DPP6: variants seen among roughly 807,000 people sequenced by gnomAD.
DPP6 encodes A-type potassium channel modulatory protein DPP6.
In DPP6, 69 loss-of-function variants were observed where a neutral mutation model predicts 122.6. The observed-to-expected ratio is 0.56, with a 90% CI of 0.46 to 0.69. DPP6 has a LOEUF of 0.69. Among genes scored for constraint, DPP6 ranks in the 30% least tolerant of loss-of-function variants. The probability of loss-of-function intolerance (pLI) is 0.00; values close to 1 mark genes in which losing one functional copy is unlikely to be tolerated. For missense variants in DPP6, 928 were observed against 1,116.9 expected (o/e 0.83, Z 2.41); for synonymous variants, 418 against 433.1 (o/e 0.97, Z 0.43).
chr7:154,761,711 T>G (rs1458532739), intron 8 of DPP6, among the ~76,000 whole-genome samples: 2 of 151,820 alleles, frequency 1.3e-5, no homozygotes, highest in African/African-American at 4.8e-5. Flanking sequence ...TTTTCAAGGT[T>G]TTATTTTATT....
intron 4 of DPP6, among the ~76,000 whole-genome samples, chr7:154,553,159 C>T (rs1335462734): frequency 6.6e-6 from 1 of 152,174 alleles, no homozygotes; most frequent in Non-Finnish European, 1.5e-5. Flanking sequence ...TGCTTCAAGT[C>T]CAGGTGAATG....
At chr7:154,710,994 T>C (rs1334514716) in intron 7 of DPP6, among the ~76,000 whole-genome samples, 3 of 152,212 alleles carry the variant, frequency 2.0e-5, no homozygotes, top group Admixed American at 2.0e-4. Flanking sequence ...TGTCAGTAAA[T>C]GGTTCCTGAT....
At chr7:154,626,612 A>G (rs1365481029) in intron 5 of DPP6, among the ~76,000 whole-genome samples, 2 of 152,222 alleles carry the variant, frequency 1.3e-5, no homozygotes, top group Non-Finnish European at 2.9e-5. Flanking sequence ...TGAGATACAT[A>G]TTTGAAGAAG....
In DPP6 at chr7:154,196,353, G is replaced by A. The variant is rs930095741; in HGVS notation, c.243+143290G>A. 1.3e-4 allele frequency among the ~76,000 whole-genome samples: 20 copies of A among 152,262 alleles called. 1 individual carries two copies. The highest frequency in any genetic ancestry group is 3.3e-4 in the Admixed American group (5 of 15,302). ...AAAAATACAAAAATTAGCTGGGCAC[G>A]TTGGTTCACACCTGTAATCCAAGCT... On this transcript the variant is annotated intron_variant, in intron 1 of 25. Transcript: ENST00000377770.
intron 1 of DPP6, among the ~76,000 whole-genome samples, chr7:154,313,712 T>TATATATATATATGCATATGC (rs1554515587): frequency 4.0e-5 from 1 of 24,914 alleles, no homozygotes; most frequent in Non-Finnish European, 9.8e-5. Flanking sequence ...TATATATATA[T>TATATATATATATGCATATGC]ATACACACAC....
rs1210304334 is a variant in DPP6 at position 154,537,834 on chromosome 7, A to T, written c.458-2698A>T. On this transcript the variant is annotated intron_variant, in intron 3 of 25. Transcript: ENST00000377770. The stretch of plus-strand genomic sequence containing the variant: ...AAGTCTTGTACATTTTTACCAAAAG[A>T]TGTAAAGAAGAATATTCATGGTAGA... 3.9e-5 allele frequency among the ~76,000 whole-genome samples: 6 copies of T among 152,236 alleles called. No homozygotes were observed. In the East Asian group the frequency reaches 1.2e-3, roughly 29 times the overall value.
intron 7 of DPP6, among the ~76,000 whole-genome samples, chr7:154,687,888 G>T (rs550398174): frequency 6.6e-6 from 1 of 152,274 alleles, no homozygotes; most frequent in African/African-American, 2.4e-5. Flanking sequence ...TCTTTCCCTA[G>T]GAATAATCAA....
In DPP6 at chr7:154,872,540, A is replaced by T. The variant is rs1804484196; in HGVS notation, c.1814-84A>T. 3 of 1,518,966 alleles carry T rather than the reference A, an allele frequency of 2.0e-6. No homozygotes were observed. The Admixed American group carries it at 6.0e-5, about 30-fold the overall frequency. 94.1% of individuals were successfully genotyped at this position (1,518,966 alleles called of 1,614,324 possible). A position where few individuals can be genotyped will look rare whatever the true frequency, so the allele number is the denominator to read the frequency against. On this transcript the variant is annotated intron_variant, in intron 18 of 25. Coordinates refer to ENST00000377770, the MANE Select transcript of DPP6 (RefSeq NM_130797.4). ...CTCAGGCCCCACCCAGAGCACCCTC[A>T]CCCCCACGGTCACCCAAGGGCATGC...
At chr7:154,115,873 ACT>A (rs2150594611) in intron 1 of DPP6, among the ~76,000 whole-genome samples, 1 of 151,986 alleles carries the variant, frequency 6.6e-6, no homozygotes, top group African/African-American at 2.4e-5. Context: ...GTCTGGTAAA[ACT>A]CTTGCCAATC....
chr7:153,749,351 G>GC, the DPP6 span, among the ~76,000 whole-genome samples: 1 of 152,122 alleles, frequency 6.6e-6, no homozygotes, highest in Non-Finnish European at 1.5e-5. This position sits in a 1 kb window ranked among gnomAD's most constrained non-coding sequence, Gnocchi z 4.1. Context: ...GAAGAGGTCG[G>GC]CGTTGGGAGG....
intron 1 of DPP6, among the ~76,000 whole-genome samples, chr7:153,981,657 G>A (rs2129038064): frequency 6.6e-6 from 1 of 152,234 alleles, no homozygotes; most frequent in South Asian, 2.1e-4. Context: ...TTACATTTTG[G>A]TATGTTTTTG....
the DPP6 span, among the ~76,000 whole-genome samples, chr7:153,787,378 C>G: frequency 6.8e-6 from 1 of 148,058 alleles, no homozygotes; most frequent in African/African-American, 2.5e-5. Flanking sequence ...CCCTAACAGT[C>G]GTTCTCCAGA....
chr7:154,436,611 AATATT>A (rs1172254539), intron 1 of DPP6, among the ~76,000 whole-genome samples: 6 of 152,190 alleles, frequency 3.9e-5, no homozygotes, highest in African/African-American at 1.4e-4. Context: ...GCTATTGTGA[AATATT>A]ATAATGCAAA....
Position 154,148,185 on chromosome 7 carries a change from A to G in DPP6, c.243+95122A>G, listed in dbSNP as rs1256612990. On this transcript the variant is annotated intron_variant, in intron 1 of 25. Coordinates refer to ENST00000377770, the MANE Select transcript of DPP6 (RefSeq NM_130797.4). ...GTCACCTCCTTCAAATCCACTGAGCAAGGCCTGGGGAGTAATGGGAGGTCC... is the reference window on the plus strand; with the variant it reads ...GTCACCTCCTTCAAATCCACTGAGCGAGGCCTGGGGAGTAATGGGAGGTCC... Among the ~76,000 whole-genome samples, 5 of 138,820 alleles carry G rather than the reference A, an allele frequency of 3.6e-5. 1 individual carries two copies. Among genetic ancestry groups the G allele is most frequent in the African/African-American group, 1.4e-4 (5 of 34,868 alleles). The allele number at this position is 138,820 out of a possible 152,430, so 91.1% of individuals were successfully genotyped here.
intron 5 of DPP6, among the ~76,000 whole-genome samples, chr7:154,615,024 C>T (rs1018614417): frequency 6.6e-6 from 1 of 152,126 alleles, no homozygotes; most frequent in Non-Finnish European, 1.5e-5. Context: ...GCTGGAGGCC[C>T]CTATTTGACA....
chr7:154,544,233 C>A (rs935521911), intron 4 of DPP6, among the ~76,000 whole-genome samples: 2 of 150,932 alleles, frequency 1.3e-5, no homozygotes, highest in Non-Finnish European at 2.9e-5. Context: ...CTAAGAACTG[C>A]TTTTTAGAAA....
intron 1 of DPP6, among the ~76,000 whole-genome samples, chr7:153,903,989 C>T (rs1182597006): frequency 6.6e-6 from 1 of 152,134 alleles, no homozygotes; most frequent in Non-Finnish European, 1.5e-5. Flanking sequence ...TCTCTGTTGC[C>T]TAAGCAAAGG....
chr7:153,778,308 A>G, the DPP6 span, among the ~76,000 whole-genome samples: 1 of 152,024 alleles, frequency 6.6e-6, no homozygotes, highest in South Asian at 2.1e-4. Flanking sequence ...ATGTTTTAAA[A>G]AGCATGTGGG....
intron 3 of DPP6, among the ~76,000 whole-genome samples, chr7:154,526,848 T>C (rs1827446049): frequency 6.6e-6 from 1 of 152,226 alleles, no homozygotes; most frequent in South Asian, 2.1e-4. Flanking sequence ...TGTGAGTTCA[T>C]AGGCTCCCAG....
Sources: gnomAD v4.1 joint callset for allele counts (sites outside exome capture counted in the v4.1 genomes callset) on GRCh38, gnomAD v4.1.1 for gene constraint, Gnocchi (gnomAD v3.1) non-coding constraint, MANE v1.5 for transcripts, NCBI Gene and HGNC (gene_info 2026-07-23, HGNC 2026-07-21) for gene names.